KANK3: variants seen among roughly 807,000 people sequenced by gnomAD.
The protein encoded by KANK3 is KN motif and ankyrin repeat domain-containing protein 3.
A neutral mutation model predicts 65.4 loss-of-function variants in KANK3; 61 were observed. That is an observed-to-expected ratio of 0.93 (90% CI 0.76 to 1.15). The LOEUF is 1.15. Ranked by LOEUF, KANK3 falls within the 50% of genes most tolerant of loss-of-function variation. The probability of loss-of-function intolerance (pLI) is 0.00; values close to 1 mark genes in which losing one functional copy is unlikely to be tolerated. For missense variants in KANK3, 1,187 were observed against 1,178.8 expected, an observed-to-expected ratio of 1.01 and a Z score of -0.10; for synonymous variants, 586 against 543.3, an observed-to-expected ratio of 1.08 and a Z score of -1.09.
Position 8,333,352 on chromosome 19 carries a change from G to T in KANK3, c.1720-122C>A. The T allele has an allele frequency of 1.3e-6, 1 of 769,876 alleles. No homozygotes were observed. The highest frequency in any genetic ancestry group is 1.8e-5 in the South Asian group (1 of 54,720). The allele number at this position is 769,876 out of a possible 1,614,324, so 47.7% of individuals were successfully genotyped here. A position where few individuals can be genotyped will look rare whatever the true frequency, so the allele number is the denominator to read the frequency against. On this transcript the variant is annotated intron_variant, in intron 6 of 10. Transcript: ENST00000330915. This position sits in a 1 kb window ranked among gnomAD's most constrained non-coding sequence, Gnocchi z 5.0. ...TGGCGTTTCCAGGCAAGTAAGGAAG[G>T]TCACTCCTCGTCCAGGTGGGGAGCC...
chr19:8,337,928 T>G, intron 1 of KANK3, 72 bp from the exon 2 acceptor site: 1 of 1,563,672 alleles, frequency 6.4e-7, no homozygotes, highest in South Asian at 1.1e-5. Flanking sequence ...CCTTTGAGTC[T>G]AAGCAAACAG....
At position 8,332,024 on chromosome 19, in the gene KANK3, C is replaced by T. The variant is rs1484010828; in HGVS notation, c.1936+990G>A. On this transcript the variant is annotated intron_variant, in intron 7 of 10. Transcript: ENST00000330915. ...TTTTTTTTTTTGAGATGGAGTCTTG[C>T]ATTGTGGCCCAGGCTGGAGTGCAGT... Among the ~76,000 whole-genome samples the T allele has an allele frequency of 4.7e-5, 5 of 106,478 alleles. No homozygotes were observed. The Admixed American group carries it at 7.5e-4, about 16-fold the overall frequency. 69.9% of individuals were successfully genotyped at this position (106,478 alleles called of 152,430 possible).
intron 1 of KANK3, among the ~76,000 whole-genome samples, chr19:8,340,236 T>C (rs1970706047): frequency 8.8e-6 from 1 of 113,930 alleles, no homozygotes; most frequent in Non-Finnish European, 1.7e-5. Flanking sequence ...CACTCCAGCC[T>C]GGGGGACAGA....
At chr19:8,340,846 C>G (rs1217978762) in intron 1 of KANK3, among the ~76,000 whole-genome samples, 1 of 152,206 alleles carries the variant, frequency 6.6e-6, no homozygotes, top group African/African-American at 2.4e-5. Context: ...AGGGGTGGAT[C>G]AACAGGCCAG....
intron 7 of KANK3, among the ~76,000 whole-genome samples, chr19:8,330,697 T>A (rs1042028777): frequency 6.7e-6 from 1 of 149,244 alleles, no homozygotes; most frequent in Non-Finnish European, 1.5e-5. Flanking sequence ...CATTGCACTG[T>A]AGCCTGGGCA....
intron 1 of KANK3, among the ~76,000 whole-genome samples, chr19:8,339,981 A>G (rs972123267): frequency 1.5e-3 from 94 of 62,530 alleles, no homozygotes; most frequent in South Asian, 8.5e-3. Flanking sequence ...AAAAAAAAAA[A>G]AAAGAAAAGA....
At chr19:8,322,957 A>G (rs1430547063) in intron 10 of KANK3, 35 bp from the exon 11 acceptor site, 2 of 1,224,414 alleles carry the variant, frequency 1.6e-6, no homozygotes, top group African/African-American at 1.6e-5. Context: ...GCCTGCTGCA[A>G]TCTCCTTGAG....
Position 8,333,028 on chromosome 19 carries a change from A to G in KANK3, c.1922T>C (p.Leu641Pro). 1 of 1,145,752 alleles carries G rather than the reference A, an allele frequency of 8.7e-7. No homozygotes were observed. Among genetic ancestry groups the G allele is most frequent in the Non-Finnish European group, 1.2e-6 (1 of 837,724 alleles). The allele number at this position is 1,145,752 out of a possible 1,614,324, so 71.0% of individuals were successfully genotyped here. A position where few individuals can be genotyped will look rare whatever the true frequency, so the allele number is the denominator to read the frequency against. Residue 641 changes from leucine to proline, a missense_variant, in exon 7 of 11, where the codon CTG (leucine) becomes CCG (proline). Physicochemically the swap from Leu to Pro is moderately conservative, Grantham distance 98. This residue lies in a region of KANK3 where 1,078 missense variants were observed against 1,038.2 expected (regional missense o/e 1.04). Transcript: ENST00000330915. The surrounding 1 kb of genome is among the most constrained non-coding windows in gnomAD (Gnocchi z 5.0). ...TTGGCTCTGACCCGTATCCAGGAGCAGGCTTGCGATGGCCAGGTTCCCGTG... is the reference window on the plus strand; with the variant it reads ...TTGGCTCTGACCCGTATCCAGGAGCGGGCTTGCGATGGCCAGGTTCCCGTG... Reference protein sequence around the residue: ...VSHGNLAIASLLLDTGACEVN... With the variant: ...VSHGNLAIASPLLDTGACEVN...
chr19:8,322,674 G>A lies in KANK3; in HGVS notation c.*165C>T, dbSNP rs1030672338. ...TCCCCACCTCACCTTGGTGGGGCCA[G>A]AGTGAGCCCCTTCCTGCCACAGTCA... On this transcript the variant is annotated 3_prime_UTR_variant, in exon 11 of 11. Coordinates refer to ENST00000330915, the MANE Select transcript of KANK3 (RefSeq NM_198471.3). The A allele has an allele frequency of 1.6e-6, 1 of 612,058 alleles. No homozygotes were observed. Among genetic ancestry groups the A allele is most frequent in the African/African-American group, 1.9e-5 (1 of 53,970 alleles). 37.9% of individuals were successfully genotyped at this position (612,058 alleles called of 1,614,324 possible).
chr19:8,336,272 C>A (rs969898519), intron 2 of KANK3, among the ~76,000 whole-genome samples: 4 of 151,958 alleles, frequency 2.6e-5, no homozygotes, highest in African/African-American at 9.7e-5. Context: ...CCAGTATCTG[C>A]TAAAAATACG....
intron 1 of KANK3, among the ~76,000 whole-genome samples, chr19:8,341,261 A>G (rs902522973): frequency 1.4e-5 from 2 of 146,710 alleles, no homozygotes; most frequent in African/African-American, 5.1e-5. Flanking sequence ...TGTCTCGCTC[A>G]CTCTGTCACC....
rs528592054 is a variant in KANK3 at position 8,324,695 on chromosome 19, C to G, written c.2218G>C (p.Gly740Arg). 8 of 1,614,064 alleles carry G rather than the reference C, an allele frequency of 5.0e-6. No individual in the cohort carries two copies. The African/African-American group carries it at 9.3e-5, about 19-fold the overall frequency. ...AGCAGCCGCACGGTGTCCAGGCGCC[C>G]ATACTCACTGGCACACATCAGCGCT... ...ATALMCASEY[G>R]RLDTVRLLLT... Residue 740 changes from glycine (G) to arginine (R), a missense_variant, in exon 9 of 11, where the codon GGG (glycine) becomes CGG (arginine). Coordinates refer to ENST00000330915, the MANE Select transcript of KANK3 (RefSeq NM_198471.3).
intron 7 of KANK3, among the ~76,000 whole-genome samples, chr19:8,330,070 G>A (rs996338956): frequency 1.3e-5 from 2 of 152,130 alleles, no homozygotes; most frequent in Non-Finnish European, 2.9e-5. Flanking sequence ...GAGGGGCCTA[G>A]TCAGTGACAA....
rs377220171 is a variant in KANK3 at position 8,324,463 on chromosome 19, G to A, written c.2368C>T (p.Gln790Ter). Residue 790 changes from glutamine to a stop codon, truncating the protein, a stop_gained, in exon 10 of 11, where the codon CAG becomes TAG. Coordinates refer to ENST00000330915, the MANE Select transcript of KANK3 (RefSeq NM_198471.3). LOFTEE classifies it low-confidence loss of function (END_TRUNC). ...GCTGTGCTCACCTGGGTGTCGGGCT[G>A]GCCCGAGCTCAGGTGGGCATGTAGC... ...ALLHAHLSSG[Q>*]PDTQSESPPG... 5 of 1,605,690 alleles carry A rather than the reference G, an allele frequency of 3.1e-6. No homozygotes were observed. Among genetic ancestry groups the A allele is most frequent in the Non-Finnish European group, 3.4e-6 (4 of 1,176,252 alleles).
In KANK3 at chr19:8,325,016, C is replaced by T. The variant is rs1318157222; in HGVS notation, c.2017G>A (p.Glu673Lys). 5 of 1,613,826 alleles carry T rather than the reference C, an allele frequency of 3.1e-6. No homozygotes were observed. The highest frequency in any genetic ancestry group is 2.2e-5 in the East Asian group (1 of 44,896). Residue 673 changes from glutamate (E) to lysine (K), a missense_variant, in exon 8 of 11, where the codon GAG (glutamate) becomes AAG (lysine). Physicochemically the swap from Glu to Lys is moderately conservative, Grantham distance 56. Transcript: ENST00000330915. The stretch of plus-strand genomic sequence containing the variant: ...CTCTGGACCACAGCCATGTCCTCCT[C>T]TTCCTGCCTCACAGAGGTGAGTGCA... ...LAALTSVRQE[E>K]EDMAVVQRLF...
Position 8,334,957 on chromosome 19 carries a change from C to A in KANK3, c.870G>T (p.Glu290Asp), listed in dbSNP as rs1409574454. The change falls in exon 3 of 11, where the codon GAG becomes GAT. Residue 290 changes from glutamate (E) to aspartate (D), a missense_variant. By Grantham distance (45) the Glu-to-Asp change is conservative. This residue lies in a region of KANK3 where 1,078 missense variants were observed against 1,038.2 expected (regional missense o/e 1.04). Transcript: ENST00000330915. ...SEGALQVLDGEVGSLDGTPQT... is the reference protein window; with the variant it reads ...SEGALQVLDGDVGSLDGTPQT... Reference sequence around the variant, plus strand: ...GGGGCGTCCCATCGAGACTCCCGACCTCCCCGTCGAGGACCTGGAGCGCGC... The same window carrying A: ...GGGGCGTCCCATCGAGACTCCCGACATCCCCGTCGAGGACCTGGAGCGCGC... 5.4e-6 allele frequency: 8 copies of A among 1,494,038 alleles called. No homozygotes were observed. The highest frequency in any genetic ancestry group is 4.5e-5 in the Admixed American group (2 of 44,742). 92.5% of individuals were successfully genotyped at this position (1,494,038 alleles called of 1,614,324 possible). A position where few individuals can be genotyped will look rare whatever the true frequency, so the allele number is the denominator to read the frequency against.
chr19:8,335,785 G>C lies in KANK3; in HGVS notation c.42C>G (p.Gly14=). ...FALNQNLPDL[G]GPRLCPVPAA... ...CGGGGACCGGGCACAGGCGGGGGCCGCCCAGGTCTGGAGGCACGACGGGGG... is the reference window on the plus strand; with the variant it reads ...CGGGGACCGGGCACAGGCGGGGGCCCCCCAGGTCTGGAGGCACGACGGGGG... The change falls in exon 3 of 11, where the codon GGC becomes GGG. Residue 14 remains glycine, a synonymous_variant. Coordinates refer to ENST00000330915, the MANE Select transcript of KANK3 (RefSeq NM_198471.3). 1.6e-6 allele frequency: 2 copies of C among 1,235,882 alleles called. No individual in the cohort carries two copies. The highest frequency in any genetic ancestry group is 1.0e-6 in the Non-Finnish European group (1 of 987,704). 76.6% of individuals were successfully genotyped at this position (1,235,882 alleles called of 1,614,324 possible).
intron 7 of KANK3, among the ~76,000 whole-genome samples, chr19:8,326,481 TAAAAAAA>T (rs369948563): frequency 0.25 from 29,393 of 119,176 alleles, 3,968 homozygotes; most frequent in Non-Finnish European, 0.33. Context: ...CCACCTGTTG[TAAAAAAA>T]AAAAAAAAAA....
At position 8,324,791 on chromosome 19, in the gene KANK3, G is replaced by GAT; in HGVS notation, c.2121_2122insAT (p.Arg708IlefsTer16). 1 of 1,613,594 alleles carries GAT rather than the reference G, an allele frequency of 6.2e-7. No individual in the cohort carries two copies. The highest frequency in any genetic ancestry group is 8.5e-7 in the Non-Finnish European group (1 of 1,179,840). ...AGTAGGGTTGCCACCATGTCCTGTC[G>GAT]GCCATGGCTGATGGCCAGCATGAGG... On this transcript the variant is annotated frameshift_variant, in exon 9 of 11. Transcript: ENST00000330915. LOFTEE classifies it high-confidence loss of function.
Sources: allele counts gnomAD v4.1 joint callset (sites outside exome capture counted in the v4.1 genomes callset), GRCh38; gene constraint gnomAD v4.1.1; regional missense constraint gnomAD v4.1.1; non-coding constraint Gnocchi (gnomAD v3.1); transcripts MANE v1.5; gene names NCBI Gene and HGNC (gene_info 2026-07-23, HGNC 2026-07-21).